Variants in JAM3 observed in about 807,000 individuals in gnomAD.
JAM3 encodes junctional adhesion molecule C.
A neutral mutation model predicts 39.4 loss-of-function variants in JAM3; 31 were observed. The observed-to-expected ratio is 0.79, with a 90% CI of 0.59 to 1.06. JAM3 has a LOEUF of 1.06. Among genes scored for constraint, JAM3 ranks in the 50% least tolerant of loss-of-function variants. JAM3 has a pLI of 0.00. For synonymous variants in JAM3, 182 were observed against 148.7 expected, an observed-to-expected ratio of 1.22 and a Z score of -1.63; for missense variants, 455 against 391.4, an observed-to-expected ratio of 1.16 and a Z score of -1.37.
intron 1 of JAM3, among the ~76,000 whole-genome samples, chr11:134,139,427 A>G (rs1383958364): frequency 6.6e-6 from 1 of 152,228 alleles, no homozygotes; most frequent in Non-Finnish European, 1.5e-5. Flanking sequence ...GTTCCAGCCC[A>G]AGAGTCTGGC....
At chr11:134,119,377 G>A (rs528489645) in intron 1 of JAM3, among the ~76,000 whole-genome samples, 3 of 152,156 alleles carry the variant, frequency 2.0e-5, no homozygotes, top group South Asian at 2.1e-4. Context: ...TTTTAGGATC[G>A]CCACTGGAAG....
intron 1 of JAM3, among the ~76,000 whole-genome samples, chr11:134,122,147 A>G (rs1942545579): frequency 6.6e-6 from 1 of 152,230 alleles, no homozygotes; most frequent in Non-Finnish European, 1.5e-5. Context: ...TCAAAACTCC[A>G]GCAATAGGAA....
chr11:134,146,817 G>A (rs919033681), intron 6 of JAM3, among the ~76,000 whole-genome samples: 39 of 152,078 alleles, frequency 2.6e-4, no homozygotes, highest in African/African-American at 8.7e-4. Flanking sequence ...CTCCTGCCTC[G>A]GCCTCCCCCA....
chr11:134,148,432 AGG>A, intron 6 of JAM3, 113 bp from the exon 7 acceptor site: 1 of 1,329,146 alleles, frequency 7.5e-7, no homozygotes, highest in Admixed American at 1.7e-5. Context: ...GGTAGGCCTG[AGG>A]GGGCAGGGGG....
intron 1 of JAM3, among the ~76,000 whole-genome samples, chr11:134,128,773 C>A (rs1942704701): frequency 6.6e-6 from 1 of 152,100 alleles, no homozygotes; most frequent in Non-Finnish European, 1.5e-5. Context: ...AACCTTTTTT[C>A]TTAATAAATC....
chr11:134,116,933 G>T (rs1283618121), intron 1 of JAM3, among the ~76,000 whole-genome samples: 1 of 151,944 alleles, frequency 6.6e-6, no homozygotes, highest in East Asian at 1.9e-4. Context: ...TGAGAAACTT[G>T]GCTGTCATTA....
intron 1 of JAM3, among the ~76,000 whole-genome samples, chr11:134,126,695 G>T (rs559206484): frequency 4.6e-5 from 7 of 152,238 alleles, no homozygotes; most frequent in Non-Finnish European, 1.0e-4. Context: ...GGATAGCAAA[G>T]TCAGTTTCCT....
intron 1 of JAM3, among the ~76,000 whole-genome samples, chr11:134,069,982 T>C (rs1303490819): frequency 1.3e-5 from 2 of 152,206 alleles, no homozygotes; most frequent in African/African-American, 4.8e-5. Context: ...ATAAACTTGA[T>C]AGTTTTGTGC....
At chr11:134,080,468 A>G (rs1048051878) in intron 1 of JAM3, among the ~76,000 whole-genome samples, 8 of 152,174 alleles carry the variant, frequency 5.3e-5, no homozygotes, top group Non-Finnish European at 1.0e-4. Context: ...AGATAATTGA[A>G]TCATGGGGTG....
chr11:134,137,977 A>C (rs1555119696), intron 1 of JAM3, among the ~76,000 whole-genome samples: 1 of 94,496 alleles, frequency 1.1e-5, no homozygotes. Context: ...CGTGGTGCTC[A>C]TACTGAGAGA....
At chr11:134,134,748 T>C (rs180847471) in intron 1 of JAM3, among the ~76,000 whole-genome samples, 3 of 152,360 alleles carry the variant, frequency 2.0e-5, no homozygotes, top group African/African-American at 7.2e-5. Context: ...TTAGATTTAA[T>C]TTCCTTAAAG....
chr11:134,115,132 C>G (rs898041066), intron 1 of JAM3, among the ~76,000 whole-genome samples: 8 of 152,230 alleles, frequency 5.3e-5, no homozygotes, highest in African/African-American at 1.9e-4. Context: ...TCATTATGAA[C>G]TAACCTTTTT....
At chr11:134,148,954 TAACACACACACACACA>T (rs1198764952) in intron 8 of JAM3, 136 bp downstream of exon 8, 33 of 763,344 alleles carry the variant, frequency 4.3e-5, no homozygotes, top group Admixed American at 1.9e-4. Flanking sequence ...CCCTTCACAG[TAACACACACACACACA>T]CACACACACA....
chr11:134,144,429 T>A lies in JAM3; in HGVS notation c.409+36T>A. 1.3e-5 allele frequency: 21 copies of A among 1,611,332 alleles called. 1 individual carries two copies. The highest frequency in any genetic ancestry group is 1.8e-5 in the Non-Finnish European group (21 of 1,177,558). On this transcript the variant is annotated intron_variant, in intron 4 of 8. Coordinates refer to ENST00000299106, the MANE Select transcript of JAM3 (RefSeq NM_032801.5). ...ATGCGAAGGTGAGACATTGCCACCATAGGATGCAAGAGATCAGTTAGTGTC... is the reference window on the plus strand; with the variant it reads ...ATGCGAAGGTGAGACATTGCCACCAAAGGATGCAAGAGATCAGTTAGTGTC...
chr11:134,132,869 A>G (rs983624737), intron 1 of JAM3, among the ~76,000 whole-genome samples: 5 of 152,126 alleles, frequency 3.3e-5, no homozygotes, highest in African/African-American at 1.2e-4. Flanking sequence ...ATGATTCATC[A>G]TTTATAGTTT....
chr11:134,086,394 G>A (rs1012070274), intron 1 of JAM3, among the ~76,000 whole-genome samples: 6 of 142,626 alleles, frequency 4.2e-5, no homozygotes, highest in Non-Finnish European at 9.0e-5. Context: ...GAGGACAGAC[G>A]AGTATCCTGG....
chr11:134,071,206 T>G (rs553115295), intron 1 of JAM3, among the ~76,000 whole-genome samples: 44 of 152,338 alleles, frequency 2.9e-4, no homozygotes, highest in African/African-American at 1.1e-3. Flanking sequence ...AAGAATTTAA[T>G]GTTTGCTAAT....
chr11:134,133,319 C>G (rs549159584), intron 1 of JAM3, among the ~76,000 whole-genome samples: 18 of 152,270 alleles, frequency 1.2e-4, no homozygotes, highest in African/African-American at 4.3e-4. Flanking sequence ...GCTAGAAATT[C>G]CAATATCATG....
chr11:134,073,116 TA>T (rs1171899519), intron 1 of JAM3, among the ~76,000 whole-genome samples: 1 of 152,212 alleles, frequency 6.6e-6, no homozygotes, highest in African/African-American at 2.4e-5. Context: ...TCCACTGTGG[TA>T]CTCTATATGG....
Sources: allele counts gnomAD v4.1 joint callset (sites outside exome capture counted in the v4.1 genomes callset), GRCh38; gene constraint gnomAD v4.1.1; transcripts MANE v1.5; gene names NCBI Gene and HGNC (gene_info 2026-07-23, HGNC 2026-07-21).